MAPK8: variants seen among roughly 807,000 people sequenced by gnomAD.
MAPK8 encodes the protein JUN N-terminal kinase.
In MAPK8, 13 loss-of-function variants were observed where a neutral mutation model predicts 52.9. The ratio of observed to expected loss-of-function variants is 0.25; its 90% CI spans 0.16 to 0.39. The LOEUF is 0.39. Ranked by LOEUF, MAPK8 falls within the 10% of genes least tolerant of loss-of-function variation. The probability of loss-of-function intolerance (pLI) is 1.00; values close to 1 mark genes in which losing one functional copy is unlikely to be tolerated. For missense variants in MAPK8, 300 were observed against 519.2 expected (o/e 0.58, Z 4.10); for synonymous variants, 191 against 169.8 (o/e 1.12, Z -0.97).
chr10:48,418,081 G>C (rs375128700), intron 5 of MAPK8, among the ~76,000 whole-genome samples: 1 of 152,220 alleles, frequency 6.6e-6, no homozygotes, highest in East Asian at 1.9e-4. Flanking sequence ...GAGCATGACT[G>C]TGTTTCAGTA....
rs1292978314 is a variant in MAPK8 at position 48,436,559 on chromosome 10, C to T, written c.*1530C>T. The T allele has an allele frequency of 3.3e-5, 5 of 152,124 alleles. No individual in the cohort carries two copies. The highest frequency in any genetic ancestry group is 7.2e-5 in the African/African-American group (3 of 41,408). The allele number at this position is 152,124 out of a possible 1,614,324, so 9.4% of individuals were successfully genotyped here. A position where few individuals can be genotyped will look rare whatever the true frequency, so the allele number is the denominator to read the frequency against. ...GCAACAAGGTTCTAGGCAGAAAGCC[C>T]CTTGGAATTTGTGACCAACAGGAGC... On this transcript the variant is annotated 3_prime_UTR_variant, in exon 12 of 12. Transcript: ENST00000374189.
At chr10:48,388,290 G>C (rs1341166775) in intron 1 of MAPK8, among the ~76,000 whole-genome samples, 3 of 152,128 alleles carry the variant, frequency 2.0e-5, no homozygotes, top group African/African-American at 7.2e-5. Flanking sequence ...TCTAAGGTTA[G>C]CCATTAAGTA....
chr10:48,311,051 G>C (rs1484249219), intron 1 of MAPK8, among the ~76,000 whole-genome samples: 1 of 151,836 alleles, frequency 6.6e-6, no homozygotes, highest in Non-Finnish European at 1.5e-5. Context: ...AACATATTTG[G>C]GCCTGTTTTA....
At position 48,437,162 on chromosome 10, in the gene MAPK8, AAAC is replaced by A. The variant is rs2044916253; in HGVS notation, c.*2136_*2138del. ...CATCATGTTCAGTTCAATTCAAAGA[AAAC>A]AAACTCTCATTACTTAGTGTAAACT... On this transcript the variant is annotated 3_prime_UTR_variant, in exon 12 of 12. Transcript: ENST00000374189. The A allele has an allele frequency of 6.6e-6, 1 of 152,248 alleles. No homozygotes were observed. The highest frequency in any genetic ancestry group is 2.4e-5 in the African/African-American group (1 of 41,470). 9.4% of individuals were successfully genotyped at this position (152,248 alleles called of 1,614,324 possible).
intron 1 of MAPK8, among the ~76,000 whole-genome samples, chr10:48,332,486 C>T (rs974732946): frequency 6.6e-5 from 10 of 152,176 alleles, no homozygotes; most frequent in African/African-American, 9.7e-5. Context: ...TTTCTTCCAT[C>T]GGGAAGTATC....
intron 6 of MAPK8, among the ~76,000 whole-genome samples, chr10:48,421,278 A>G (rs2043338616): frequency 1.3e-5 from 2 of 152,228 alleles, no homozygotes; most frequent in South Asian, 2.1e-4. Context: ...AACATTTGCT[A>G]TTAATTTTTT....
chr10:48,320,155 A>G (rs990895869), intron 1 of MAPK8, among the ~76,000 whole-genome samples: 3 of 120,794 alleles, frequency 2.5e-5, no homozygotes, highest in Non-Finnish European at 3.3e-5. Flanking sequence ...ACCTCAGGTG[A>G]TCCCCCACCT....
intron 2 of MAPK8, 75 bp from the exon 3 acceptor site, chr10:48,404,777 A>G (rs1048284282): frequency 8.5e-7 from 1 of 1,173,954 alleles, no homozygotes; most frequent in Non-Finnish European, 1.2e-6. Context: ...AGAAATGTAT[A>G]TGACTGTTTC....
At chr10:48,326,367 G>A (rs1346390505) in intron 1 of MAPK8, among the ~76,000 whole-genome samples, 1 of 152,152 alleles carries the variant, frequency 6.6e-6, no homozygotes, top group Non-Finnish European at 1.5e-5. Context: ...TCCTGTGCCT[G>A]TGACATACTT....
chr10:48,392,239 A>C (rs2041663811), intron 1 of MAPK8, among the ~76,000 whole-genome samples: 1 of 152,174 alleles, frequency 6.6e-6, no homozygotes, highest in South Asian at 2.1e-4. Flanking sequence ...TATGACCTGC[A>C]GTCAGAAAGG....
intron 1 of MAPK8, among the ~76,000 whole-genome samples, chr10:48,324,165 T>G (rs549259631): frequency 7.2e-5 from 11 of 152,360 alleles, no homozygotes; most frequent in Admixed American, 7.2e-4. Flanking sequence ...CACATTCTCT[T>G]ACATATGTCA....
intron 1 of MAPK8, among the ~76,000 whole-genome samples, chr10:48,382,664 T>A (rs999419967): frequency 6.6e-6 from 1 of 151,522 alleles, no homozygotes; most frequent in Non-Finnish European, 1.5e-5. Context: ...AAAAGGCCAA[T>A]TCAATTTTAC....
At chr10:48,357,425 C>T (rs553475811) in intron 1 of MAPK8, among the ~76,000 whole-genome samples, 1 of 152,252 alleles carries the variant, frequency 6.6e-6, no homozygotes, top group African/African-American at 2.4e-5. Context: ...GACAGGGTCT[C>T]GCTCTTTTAC....
At chr10:48,339,963 T>A (rs990467250) in intron 1 of MAPK8, among the ~76,000 whole-genome samples, 2 of 152,148 alleles carry the variant, frequency 1.3e-5, no homozygotes, top group Non-Finnish European at 2.9e-5. Flanking sequence ...GAATGTAAAT[T>A]AGTACAACCC....
At chr10:48,307,347 A>G (rs1432570637) in intron 1 of MAPK8, among the ~76,000 whole-genome samples, 1 of 152,170 alleles carries the variant, frequency 6.6e-6, no homozygotes, top group Non-Finnish European at 1.5e-5. Context: ...GGGCGAACGC[A>G]GGCAGCAGCG....
chr10:48,434,130 A>G (rs988407194), intron 11 of MAPK8, among the ~76,000 whole-genome samples: 1 of 152,210 alleles, frequency 6.6e-6, no homozygotes, highest in Non-Finnish European at 1.5e-5. Flanking sequence ...TTTAAAATCC[A>G]GGAAATGCTT....
In MAPK8 at chr10:48,435,184, G is replaced by A. The variant is rs1309158607; in HGVS notation, c.*155G>A. The A allele has an allele frequency of 5.4e-6, 3 of 553,344 alleles. No homozygotes were observed. The highest frequency in any genetic ancestry group is 7.5e-5 in the Admixed American group (2 of 26,620). 34.3% of individuals were successfully genotyped at this position (553,344 alleles called of 1,614,324 possible). ...AGTAGTTTATTTTTTTTAATTTCAA[G>A]TGATGTAATTTAAAACCTAAGTTGT... On this transcript the variant is annotated 3_prime_UTR_variant, in exon 12 of 12. Transcript: ENST00000374189.
At chr10:48,427,232 A>T (rs1173058549) in intron 10 of MAPK8, 89 bp downstream of exon 10, 2 of 895,834 alleles carry the variant, frequency 2.2e-6, no homozygotes, top group Admixed American at 2.1e-5. Flanking sequence ...GAAATTTGTG[A>T]CTTTAATATG....
At chr10:48,405,221 A>G (rs1667217504) in intron 3 of MAPK8, among the ~76,000 whole-genome samples, 1 of 152,034 alleles carries the variant, frequency 6.6e-6, no homozygotes, top group South Asian at 2.1e-4. Context: ...TTAATTTACA[A>G]AAGGAGTTTT....
Sources: allele counts gnomAD v4.1 joint callset (sites outside exome capture counted in the v4.1 genomes callset), GRCh38; gene constraint gnomAD v4.1.1; transcripts MANE v1.5; gene names NCBI Gene and HGNC (gene_info 2026-07-23, HGNC 2026-07-21).